Variants in TAF5L observed in about 807,000 individuals in gnomAD.
TAF5L encodes the protein TAF5-like RNA polymerase II p300/CBP-associated factor-associated factor 65 kDa subunit 5L.
A neutral mutation model predicts 51.3 loss-of-function variants in TAF5L; 7 were observed. That is an observed-to-expected ratio of 0.14 (90% confidence interval 0.08 to 0.26). TAF5L has a LOEUF of 0.26. Ranked by LOEUF, TAF5L falls within the 10% of genes least tolerant of loss-of-function variation. TAF5L has a pLI of 1.00. For missense variants in TAF5L, 575 were observed against 758.9 expected, an observed-to-expected ratio of 0.76 and a Z score of 2.85; for synonymous variants, 291 against 308.1, an observed-to-expected ratio of 0.94 and a Z score of 0.58.
intron 2 of TAF5L, among the ~76,000 whole-genome samples, chr1:229,611,098 G>A (rs368640953): frequency 1.1e-3 from 168 of 152,022 alleles, no homozygotes; most frequent in Admixed American, 4.2e-3. Context: ...CTGTCTTTTC[G>A]TCTTTCTTCT....
chr1:229,594,465 C>T lies in TAF5L; in HGVS notation c.1602G>A (p.Val534=). Residue 534 remains valine, a synonymous_variant, in exon 5 of 5, where the codon GTG becomes GTA. Coordinates refer to ENST00000258281, the Ensembl canonical transcript of TAF5L. The surrounding 1 kb of genome is among the most constrained non-coding windows in gnomAD (Gnocchi z 7.9). ...AAGTGTTCCTGATGTCCCAGACGCG[C>T]ACCGAGTTGTCCATGGAGGCAGAGG... 6.2e-7 allele frequency: 1 copy of T among 1,614,162 alleles called. No homozygotes were observed. The highest frequency in any genetic ancestry group is 8.5e-7 in the Non-Finnish European group (1 of 1,180,026).
chr1:229,625,701 G>C lies in TAF5L; in HGVS notation c.-4+184C>G, dbSNP rs1459568501. ...GGAGGCCGAGGGCGGAGGCGCGGCC[G>C]TCGCGCCCGCGCAGAGCCGCCCGCC... On this transcript the variant is annotated intron_variant, in intron 1 of 4. Transcript: ENST00000258281. This position sits in a 1 kb window ranked among gnomAD's most constrained non-coding sequence, Gnocchi z 4.0. 1.4e-5 allele frequency among the ~76,000 whole-genome samples: 2 copies of C among 147,320 alleles called. No individual in the cohort carries two copies. Among genetic ancestry groups the C allele is most frequent in the South Asian group, 2.1e-4 (1 of 4,804 alleles).
At chr1:229,606,392 C>A (rs1372798833) in intron 3 of TAF5L, 1 of 974,692 alleles carries the variant, frequency 1.0e-6, no homozygotes, top group Non-Finnish European at 1.2e-6. Context: ...CTTCTATCTA[C>A]CCACTGAAAT....
Position 229,594,142 on chromosome 1 carries a change from G to A in TAF5L, c.*155C>T, listed in dbSNP as rs1664023622. On this transcript the variant is annotated 3_prime_UTR_variant, in exon 5 of 5. Coordinates refer to ENST00000258281, the Ensembl canonical transcript of TAF5L. The surrounding 1 kb of genome is among the most constrained non-coding windows in gnomAD (Gnocchi z 7.9). ...CCCAACCTTGGCCTTCGACACTGGG[G>A]GGCTGAGTGAAGGGGGACCTGCCCG... is the stretch of plus-strand genomic sequence containing the variant. 1.2e-6 allele frequency: 1 copy of A among 831,736 alleles called. No individual in the cohort carries two copies. Among genetic ancestry groups the A allele is most frequent in the East Asian group, 2.7e-5 (1 of 36,810 alleles). The allele number at this position is 831,736 out of a possible 1,614,324, so 51.5% of individuals were successfully genotyped here.
chr1:229,602,332 C>T lies in TAF5L; in HGVS notation c.835G>A (p.Asp279Asn). Residue 279 changes from aspartate (D) to asparagine (N), a missense_variant, in exon 4 of 5, where the codon GAT (aspartate) becomes AAT (asparagine). This residue lies in a region of TAF5L where 380 missense variants were observed against 443.7 expected (regional missense o/e 0.86). Transcript: ENST00000258281. This position sits in a 1 kb window ranked among gnomAD's most constrained non-coding sequence, Gnocchi z 4.6. ...AACCCAGCAGCAAGCAGCTTGCTAT[C>T]GGGGGAGATTTCTGCAGTGTTCAAC... 11 of 1,614,102 alleles carry T rather than the reference C, an allele frequency of 6.8e-6. No individual in the cohort carries two copies. Among genetic ancestry groups the T allele is most frequent in the East Asian group, 2.2e-5 (1 of 44,892 alleles).
intron 4 of TAF5L, chr1:229,601,780 A>G: frequency 9.9e-7 from 1 of 1,013,896 alleles, no homozygotes; most frequent in Non-Finnish European, 1.2e-6. Flanking sequence ...TTCTGTGGGG[A>G]AAATAATATT....
chr1:229,618,610 C>G (rs1665090679), intron 1 of TAF5L, among the ~76,000 whole-genome samples: 1 of 152,106 alleles, frequency 6.6e-6, no homozygotes, highest in Non-Finnish European at 1.5e-5. Context: ...CAGGGAAAAC[C>G]ACAGCCACAC....
At chr1:229,606,777 G>A (rs1664610529) in intron 3 of TAF5L, 2 of 985,298 alleles carry the variant, frequency 2.0e-6, no homozygotes, top group African/African-American at 1.7e-5. Context: ...AAATCCAGAG[G>A]TTGCTTGACT....
chr1:229,596,648 T>A (rs1664139283), intron 4 of TAF5L, among the ~76,000 whole-genome samples: 1 of 152,206 alleles, frequency 6.6e-6, no homozygotes, highest in African/African-American at 2.4e-5. Context: ...TCTTTCCTGG[T>A]CCTCTCCCCA....
At chr1:229,614,527 C>T (rs757753328) in intron 1 of TAF5L, 42 bp from the exon 2 acceptor site, 9 of 1,605,030 alleles carry the variant, frequency 5.6e-6, no homozygotes. Flanking sequence ...CATCAGGGGC[C>T]TGGGAGAGCA....
At position 229,610,095 on chromosome 1, in the gene TAF5L, T is replaced by A; in HGVS notation, c.247+11A>T. The A allele has an allele frequency of 6.2e-7, 1 of 1,612,872 alleles. No homozygotes were observed. Among genetic ancestry groups the A allele is most frequent in the Non-Finnish European group, 8.5e-7 (1 of 1,178,912 alleles). Reference sequence around the variant, plus strand: ...TCTTAAAAAGAAAAGGTTCTAGAGCTGAGTACTTACCAGTGAGAAAATTCC... The same window carrying A: ...TCTTAAAAAGAAAAGGTTCTAGAGCAGAGTACTTACCAGTGAGAAAATTCC... On this transcript the variant is annotated intron_variant, in intron 3 of 4. Coordinates refer to ENST00000258281, the Ensembl canonical transcript of TAF5L.
At chr1:229,600,923 T>C in intron 4 of TAF5L, 1 of 985,444 alleles carries the variant, frequency 1.0e-6, no homozygotes, top group Non-Finnish European at 1.2e-6. Flanking sequence ...AATTTTTTTT[T>C]GTATTTACAG....
chr1:229,600,612 A>G, intron 4 of TAF5L: 1 of 985,464 alleles, frequency 1.0e-6, no homozygotes, highest in African/African-American at 1.7e-5. Flanking sequence ...CATATAAGAC[A>G]GTGTCACTAC....
chr1:229,595,505 T>C, intron 4 of TAF5L, among the ~76,000 whole-genome samples: 1 of 152,248 alleles, frequency 6.6e-6, no homozygotes, highest in Admixed American at 6.5e-5. Context: ...TCTATGGGCA[T>C]TGCCTTCATC....
chr1:229,609,941 T>C (rs901719949), intron 3 of TAF5L, among the ~76,000 whole-genome samples, 165 bp downstream of exon 3: 1 of 152,182 alleles, frequency 6.6e-6, no homozygotes, highest in Non-Finnish European at 1.5e-5. Flanking sequence ...TCAAACCAAT[T>C]GTGGAATATA....
intron 3 of TAF5L, 78 bp downstream of exon 3, chr1:229,610,028 T>G: frequency 8.1e-7 from 1 of 1,229,646 alleles, no homozygotes; most frequent in African/African-American, 1.5e-5. Context: ...CAGGGCTAAC[T>G]CACAAGCAGT....
intron 4 of TAF5L, among the ~76,000 whole-genome samples, chr1:229,598,690 CTTT>C (rs71563413): frequency 0.38 from 54,182 of 141,198 alleles, 10,320 homozygotes; most frequent in South Asian, 0.49. Context: ...TTGGATATCT[CTTT>C]TTTTTTTTTT....
chr1:229,624,691 C>T (rs775960655), intron 1 of TAF5L, among the ~76,000 whole-genome samples: 3 of 152,132 alleles, frequency 2.0e-5, no homozygotes, highest in Non-Finnish European at 2.9e-5. Context: ...ATGCAGATGG[C>T]TACATGGTTT....
intron 1 of TAF5L, among the ~76,000 whole-genome samples, chr1:229,619,423 GC>G (rs1370027625): frequency 6.6e-6 from 1 of 152,176 alleles, no homozygotes; most frequent in African/African-American, 2.4e-5. Flanking sequence ...CATGGATAAG[GC>G]CGTAGCTGGG....
Sources: gnomAD v4.1 joint callset for allele counts (sites outside exome capture counted in the v4.1 genomes callset) on GRCh38, gnomAD v4.1.1 for gene constraint, gnomAD v4.1.1 regional missense constraint, Gnocchi (gnomAD v3.1) non-coding constraint, MANE v1.5 for transcripts, NCBI Gene and HGNC (gene_info 2026-07-23, HGNC 2026-07-21) for gene names.